The following ENTREP2 variants were observed in gnomAD, a reference collection of about 807,000 sequenced individuals.
ENTREP2 encodes endosomal transmembrane epsin interactor 2.
chr15:29,570,409 T>C, the ENTREP2 span: 5 of 772,032 alleles, frequency 6.5e-6, no homozygotes, highest in Non-Finnish European at 8.4e-6. Context: ...CCGCCGGAAC[T>C]TGCCGCCCGC....
chr15:29,216,168 C>T, the ENTREP2 span, among the ~76,000 whole-genome samples: 4 of 152,082 alleles, frequency 2.6e-5, no homozygotes, highest in Admixed American at 6.6e-5. Flanking sequence ...TTGGCAGTGG[C>T]GAATTCTCTC....
the ENTREP2 span, among the ~76,000 whole-genome samples, chr15:29,139,327 C>A: frequency 2.0e-5 from 3 of 152,294 alleles, no homozygotes; most frequent in East Asian, 5.8e-4. Context: ...GTTTAATTGT[C>A]CGAAACAGAG....
At chr15:29,359,233 G>A in the ENTREP2 span, among the ~76,000 whole-genome samples, 1 of 152,120 alleles carries the variant, frequency 6.6e-6, no homozygotes. Context: ...ACACGAAGGA[G>A]TGTTTTCTAA....
chr15:29,638,878 A>G, the ENTREP2 span, among the ~76,000 whole-genome samples: 1 of 152,240 alleles, frequency 6.6e-6, no homozygotes, highest in African/African-American at 2.4e-5. Context: ...TGGACAGCCC[A>G]ATCTGAGGAG....
At chr15:29,208,495 G>C in the ENTREP2 span, among the ~76,000 whole-genome samples, 1,624 of 152,258 alleles carry the variant, frequency 0.011, 20 homozygotes, top group South Asian at 0.024. Context: ...AATTCTCTCT[G>C]TGCTTCTGCA....
At chr15:29,571,815 C>G in the ENTREP2 span, among the ~76,000 whole-genome samples, 3 of 152,148 alleles carry the variant, frequency 2.0e-5, no homozygotes, top group Non-Finnish European at 4.4e-5. Flanking sequence ...TGTTGATGAG[C>G]CAACTTTAAG....
At chr15:29,293,543 A>C in the ENTREP2 span, among the ~76,000 whole-genome samples, 5 of 151,900 alleles carry the variant, frequency 3.3e-5, no homozygotes, top group African/African-American at 1.2e-4. Context: ...GGCATGAGCC[A>C]CCGCGCCCGG....
the ENTREP2 span, among the ~76,000 whole-genome samples, chr15:29,526,711 C>G: frequency 6.6e-6 from 1 of 151,966 alleles, no homozygotes; most frequent in Non-Finnish European, 1.5e-5. Flanking sequence ...CCATAGCAAT[C>G]CTCCCGCCTC....
At chr15:29,257,413 T>C in the ENTREP2 span, among the ~76,000 whole-genome samples, 1 of 152,114 alleles carries the variant, frequency 6.6e-6, no homozygotes, top group Non-Finnish European at 1.5e-5. Context: ...TGATGAACAT[T>C]TGGGTTATTT....
chr15:29,234,258 AAGG>A, the ENTREP2 span: 2 of 1,612,542 alleles, frequency 1.2e-6, no homozygotes, highest in Middle Eastern at 3.3e-4. Flanking sequence ...TCTTCCGCAG[AAGG>A]AGTTTTAAGT....
At chr15:29,376,121 A>G in the ENTREP2 span, 1 of 152,170 alleles carries the variant, frequency 6.6e-6, no homozygotes, top group Non-Finnish European at 1.5e-5. Flanking sequence ...ACTGTAACTA[A>G]TTTGTTATTG....
At chr15:29,186,608 G>A in the ENTREP2 span, among the ~76,000 whole-genome samples, 3 of 152,026 alleles carry the variant, frequency 2.0e-5, no homozygotes, top group Non-Finnish European at 4.4e-5. Flanking sequence ...AATTATAAAG[G>A]CCTTTAGAAC....
the ENTREP2 span, among the ~76,000 whole-genome samples, chr15:29,158,246 G>A: frequency 3.3e-5 from 5 of 152,226 alleles, 1 homozygote; most frequent in South Asian, 2.1e-4. Context: ...CCTGCTTTAC[G>A]TCTCATGAAA....
chr15:29,638,920 C>T, the ENTREP2 span, among the ~76,000 whole-genome samples: 6 of 152,334 alleles, frequency 3.9e-5, no homozygotes, highest in South Asian at 2.1e-4. Flanking sequence ...GCTGAGCCCA[C>T]GGTCAGGGGC....
chr15:29,598,107 G>A, the ENTREP2 span, among the ~76,000 whole-genome samples: 1 of 144,098 alleles, frequency 6.9e-6, no homozygotes, highest in Admixed American at 7.1e-5. Flanking sequence ...GGGCAACAGA[G>A]TGAGACCCCT....
At chr15:29,220,422 C>G in the ENTREP2 span, among the ~76,000 whole-genome samples, 3 of 152,182 alleles carry the variant, frequency 2.0e-5, no homozygotes, top group African/African-American at 4.8e-5. Context: ...TGCAAAGAAG[C>G]CTGGCCTTTA....
chr15:29,134,248 A>C, the ENTREP2 span, among the ~76,000 whole-genome samples: 1 of 152,162 alleles, frequency 6.6e-6, no homozygotes, highest in South Asian at 2.1e-4. Context: ...ACCTAAGAAC[A>C]TCTCCATTAC....
the ENTREP2 span, among the ~76,000 whole-genome samples, chr15:29,118,932 G>T: frequency 3.3e-5 from 5 of 152,222 alleles, no homozygotes; most frequent in South Asian, 1.0e-3. Context: ...TGGATGGGCA[G>T]GAGCCCTCCT....
At chr15:29,290,623 G>A in the ENTREP2 span, among the ~76,000 whole-genome samples, 5 of 152,316 alleles carry the variant, frequency 3.3e-5, no homozygotes, top group Admixed American at 6.5e-5. Flanking sequence ...CTAACACACA[G>A]AAGGCGCTCA....
Sources: gnomAD v4.1 joint callset for allele counts (sites outside exome capture counted in the v4.1 genomes callset) on GRCh38, gnomAD v4.1.1 for gene constraint, MANE v1.5 for transcripts, NCBI Gene and HGNC (gene_info 2026-07-23, HGNC 2026-07-21) for gene names.